The following LARP1B variants were observed in gnomAD, a reference collection of about 807,000 sequenced individuals.
LARP1B encodes La ribonucleoprotein 1B.
In LARP1B, 76 loss-of-function variants were observed where a neutral mutation model predicts 114.2. The ratio of observed to expected loss-of-function variants is 0.67; its 90% CI spans 0.55 to 0.81. The LOEUF is 0.81. Ranked by LOEUF, LARP1B falls within the 30% of genes least tolerant of loss-of-function variation. The pLI is 0.00. For synonymous variants in LARP1B, 345 were observed against 348.0 expected (o/e 0.99, Z 0.10); for missense variants, 1,014 against 1,075.8 (o/e 0.94, Z 0.80).
chr4:128,112,466 A>T (rs1180580340), intron 9 of LARP1B, among the ~76,000 whole-genome samples: 717 of 68,962 alleles, frequency 0.01, no homozygotes, highest in Middle Eastern at 0.02. Context: ...TGCTTACTCT[A>T]TTTTTTTTTT....
intron 9 of LARP1B, among the ~76,000 whole-genome samples, chr4:128,112,818 A>G (rs751344932): frequency 6.6e-6 from 1 of 152,126 alleles, no homozygotes; most frequent in African/African-American, 2.4e-5. Context: ...TTTTCCTGTT[A>G]TGAAACAATA....
intron 12 of LARP1B, among the ~76,000 whole-genome samples, chr4:128,172,977 G>A (rs1581264870): frequency 6.6e-6 from 1 of 151,420 alleles, no homozygotes; most frequent in South Asian, 2.1e-4. Context: ...GTGTGTATGT[G>A]TATGTTTTAA....
At chr4:128,169,262 C>CT (rs1742486464) in intron 12 of LARP1B, among the ~76,000 whole-genome samples, 1 of 151,162 alleles carries the variant, frequency 6.6e-6, no homozygotes, top group South Asian at 2.1e-4. Flanking sequence ...TTATTATTTC[C>CT]TTTTTTCTTA....
At chr4:128,172,284 A>T (rs1176214449) in intron 12 of LARP1B, among the ~76,000 whole-genome samples, 1 of 151,778 alleles carries the variant, frequency 6.6e-6, no homozygotes, top group Non-Finnish European at 1.5e-5. Flanking sequence ...GCTTTGGTGT[A>T]CTTTTCATGT....
intron 1 of LARP1B, among the ~76,000 whole-genome samples, chr4:128,063,539 G>A (rs912997913): frequency 2.6e-5 from 4 of 151,836 alleles, no homozygotes; most frequent in African/African-American, 9.7e-5. Context: ...CAGCACTTTG[G>A]GAGGCCGAGG....
intron 1 of LARP1B, among the ~76,000 whole-genome samples, chr4:128,067,800 C>T (rs1763591605): frequency 1.3e-5 from 2 of 151,438 alleles, no homozygotes; most frequent in African/African-American, 4.9e-5. Context: ...ACCTCCATCT[C>T]CCGTGTTCAA....
In LARP1B at chr4:128,210,457, T is replaced by G; in HGVS notation, c.*404T>G. 1 of 1,004,716 alleles carries G rather than the reference T, an allele frequency of 1.0e-6. No homozygotes were observed. Among genetic ancestry groups the G allele is most frequent in the Non-Finnish European group, 1.2e-6 (1 of 840,124 alleles). 62.2% of individuals were successfully genotyped at this position (1,004,716 alleles called of 1,614,324 possible). On this transcript the variant is annotated 3_prime_UTR_variant, in exon 20 of 20. Transcript: ENST00000326639. ...TTAAAGAAGATATAGTATGTTGTATTCTCTTCTTAGAGCTTTCTTAAAGAA... is the reference window on the plus strand; with the variant it reads ...TTAAAGAAGATATAGTATGTTGTATGCTCTTCTTAGAGCTTTCTTAAAGAA...
At position 128,129,542 on chromosome 4, in the gene LARP1B, C is replaced by T. The variant is rs76320314; in HGVS notation, c.1524+7354C>T. ...TCCCAGCAAATGATTTTGTGGATATCTCCAGAGGCAAAAAACACCTAAAAA... is the reference window on the plus strand; with the variant it reads ...TCCCAGCAAATGATTTTGTGGATATTTCCAGAGGCAAAAAACACCTAAAAA... On this transcript the variant is annotated intron_variant, in intron 11 of 19. Transcript: ENST00000326639. Among the ~76,000 whole-genome samples, 799 of 152,100 alleles carry T rather than the reference C, an allele frequency of 5.3e-3. 8 individuals carry two copies. Among genetic ancestry groups the T allele is most frequent in the African/African-American group, 0.018 (764 of 41,468 alleles).
At position 128,122,240 on chromosome 4, in the gene LARP1B, G is replaced by T. The variant is rs994560285; in HGVS notation, c.1524+52G>T. On this transcript the variant is annotated intron_variant, in intron 11 of 19. Coordinates refer to ENST00000326639, the MANE Select transcript of LARP1B (RefSeq NM_018078.4). Reference sequence around the variant, plus strand: ...TACTGATGCTTTGTTTTGATTGTATGTTGCTGTTTATATTTTCTCAAACTT... The same window carrying T: ...TACTGATGCTTTGTTTTGATTGTATTTTGCTGTTTATATTTTCTCAAACTT... 20 of 1,584,794 alleles carry T rather than the reference G, an allele frequency of 1.3e-5. No homozygotes were observed. In the Admixed American group the frequency reaches 3.6e-4, roughly 29 times the overall value.
chr4:128,156,011 C>T, intron 11 of LARP1B: 1 of 1,561,616 alleles, frequency 6.4e-7, no homozygotes, highest in Non-Finnish European at 8.7e-7. Context: ...TCCCCAGGGC[C>T]TGTGCTTGAA....
At chr4:128,156,327 C>T in intron 11 of LARP1B, 1 of 669,612 alleles carries the variant, frequency 1.5e-6, no homozygotes, top group Non-Finnish European at 2.6e-6. Context: ...CTCCATCCCT[C>T]TAATGAGACT....
chr4:128,207,259 A>T lies in LARP1B; in HGVS notation c.2423A>T (p.Gln808Leu), dbSNP rs769231394. 3 of 1,397,470 alleles carry T rather than the reference A, an allele frequency of 2.1e-6. No homozygotes were observed. Among genetic ancestry groups the T allele is most frequent in the Non-Finnish European group, 2.9e-6 (3 of 1,043,814 alleles). 86.6% of individuals were successfully genotyped at this position (1,397,470 alleles called of 1,614,324 possible). A position where few individuals can be genotyped will look rare whatever the true frequency, so the allele number is the denominator to read the frequency against. ...EETKKDYESG[Q>L]LYGLEKFWAY... ...GTATATTATTCTTTGTTATTAGGTC[A>T]GCTGTATGGACTAGAAAAGTTTTGG... The change falls in exon 19 of 20, where the codon CAG (glutamine) becomes CTG (leucine). Residue 808 changes from glutamine to leucine, a missense_variant. Coordinates refer to ENST00000326639, the MANE Select transcript of LARP1B (RefSeq NM_018078.4).
intron 12 of LARP1B, among the ~76,000 whole-genome samples, chr4:128,170,872 C>CTTTTTTTTTTTTTTTTTTTT (rs70966085): frequency 1.1e-5 from 1 of 95,016 alleles, no homozygotes. Flanking sequence ...TTTTTCTTTT[C>CTTTTTTTTTTTTTTTTTTTT]TTTTTTTTTT....
chr4:128,131,043 G>A (rs1412148097), intron 11 of LARP1B, among the ~76,000 whole-genome samples: 1 of 152,196 alleles, frequency 6.6e-6, no homozygotes, highest in Non-Finnish European at 1.5e-5. Context: ...GAGATGAATG[G>A]ACAGAGCACA....
At chr4:128,106,765 G>A (rs142344137) in intron 8 of LARP1B, among the ~76,000 whole-genome samples, 195 of 152,162 alleles carry the variant, frequency 1.3e-3, no homozygotes, top group African/African-American at 4.6e-3. Context: ...TCAATAAATT[G>A]TGGTAATTAT....
At chr4:128,152,510 G>A (rs1408461222) in intron 11 of LARP1B, among the ~76,000 whole-genome samples, 1 of 151,542 alleles carries the variant, frequency 6.6e-6, no homozygotes, top group African/African-American at 2.4e-5. Flanking sequence ...CCAACATGGT[G>A]ATTTTTATTT....
At chr4:128,146,787 GT>G (rs1289762849) in intron 11 of LARP1B, among the ~76,000 whole-genome samples, 1 of 152,160 alleles carries the variant, frequency 6.6e-6, no homozygotes, top group Admixed American at 6.6e-5. Flanking sequence ...AAGCAGAACA[GT>G]TATTTAAAAA....
intron 10 of LARP1B, among the ~76,000 whole-genome samples, chr4:128,115,353 A>C (rs139746200): frequency 4.2e-4 from 64 of 152,320 alleles, no homozygotes; most frequent in Admixed American, 8.5e-4. Context: ...GCTTGAGCGC[A>C]GGAGTTCGGG....
At chr4:128,164,497 A>G (rs1044390462) in intron 12 of LARP1B, among the ~76,000 whole-genome samples, 3 of 152,344 alleles carry the variant, frequency 2.0e-5, no homozygotes, top group Admixed American at 2.0e-4. Context: ...AAAAATTAAT[A>G]TGAAAAATGG....
Sources: gnomAD v4.1 joint callset for allele counts (sites outside exome capture counted in the v4.1 genomes callset) on GRCh38, gnomAD v4.1.1 for gene constraint, MANE v1.5 for transcripts, NCBI Gene and HGNC (gene_info 2026-07-23, HGNC 2026-07-21) for gene names.